The following CTBP2 variants were observed in gnomAD, a reference collection of about 807,000 sequenced individuals.
CTBP2 encodes C-terminal binding protein 2.
CTBP2 carries 30 observed loss-of-function variants against 80.3 expected under a neutral mutation model. The observed-to-expected ratio is 0.37, with a 90% confidence interval of 0.28 to 0.51. The LOEUF is 0.51. CTBP2 is among the 20% of genes least tolerant of loss of function. CTBP2 has a pLI of 0.93. For synonymous variants in CTBP2, 594 were observed against 587.4 expected (o/e 1.01, Z -0.16); for missense variants, 1,212 against 1,375.3 (o/e 0.88, Z 1.88).
In CTBP2 at chr10:125,018,162, C is replaced by CT. The variant is rs572570978; in HGVS notation, c.1678+7919dup. ...GACTCAGGGTAGGGGGTGAACCTCTCTGAGTCTGTCAGAGGAAAAATGTCC... is the reference window on the plus strand; with the variant it reads ...GACTCAGGGTAGGGGGTGAACCTCTCTTGAGTCTGTCAGAGGAAAAATGTCC... On this transcript the variant is annotated intron_variant, in intron 1 of 8. Coordinates refer to ENST00000309035, the MANE Select transcript of CTBP2 (RefSeq NM_022802.3). 4.1e-3 allele frequency among the ~76,000 whole-genome samples: 621 copies of CT among 152,340 alleles called. 10 individuals are homozygous for CT. Among genetic ancestry groups the CT allele is most frequent in the African/African-American group, 0.015 (605 of 41,576 alleles).
chr10:125,117,958 A>G (rs991878497), intron 1 of CTBP2, among the ~76,000 whole-genome samples: 3 of 152,202 alleles, frequency 2.0e-5, no homozygotes, highest in Non-Finnish European at 4.4e-5. Context: ...CTTTACATAC[A>G]CAGTCTTTGT....
chr10:125,083,844 G>C (rs559633786), intron 2 of CTBP2, among the ~76,000 whole-genome samples: 1 of 152,222 alleles, frequency 6.6e-6, no homozygotes, highest in East Asian at 1.9e-4. Flanking sequence ...GCAGTGGTGC[G>C]ATCTGGGCTC....
At chr10:125,101,730 G>A (rs528519223) in intron 2 of CTBP2, among the ~76,000 whole-genome samples, 1 of 152,314 alleles carries the variant, frequency 6.6e-6, no homozygotes, top group Admixed American at 6.5e-5. Flanking sequence ...ACAGGTACCG[G>A]CTTGGAGAGA....
chr10:125,040,095 TCC>T (rs1440165800), intron 2 of CTBP2, among the ~76,000 whole-genome samples: 10 of 152,160 alleles, frequency 6.6e-5, no homozygotes, highest in African/African-American at 2.4e-4. Context: ...TTAACAGCTG[TCC>T]CCAATATCCC....
At chr10:125,043,387 A>G (rs1960388555) in intron 2 of CTBP2, among the ~76,000 whole-genome samples, 1 of 152,010 alleles carries the variant, frequency 6.6e-6, no homozygotes, top group Non-Finnish European at 1.5e-5. Flanking sequence ...CAGCACAAAA[A>G]CCTGGGATCA....
rs76804352 is a variant in CTBP2, at chr10:124,993,314, C to T, written c.2547G>A (p.Pro849=). 5,247 of 1,608,626 alleles carry T rather than the reference C, an allele frequency of 3.3e-3. 122 individuals carry two copies. In the African/African-American group the frequency reaches 0.058, roughly 18 times the overall value. ...AGATGAGATTCGGGGCATCTTTCAA[C>T]GGACCCTGAGCAAAGCTAGAAAAAT... The change falls in exon 7 of 9, where the codon CCG becomes CCA. Residue 849 remains proline (P), a synonymous_variant. Coordinates refer to ENST00000309035, the MANE Select transcript of CTBP2 (RefSeq NM_022802.3).
chr10:125,003,549 TG>T, intron 1 of CTBP2, 57 bp from the exon 4 acceptor site: 1 of 1,384,892 alleles, frequency 7.2e-7, no homozygotes. Flanking sequence ...ACAGGGTGCG[TG>T]GAGGGGCAGC....
chr10:125,118,935 A>G (rs1226856950), intron 1 of CTBP2, among the ~76,000 whole-genome samples: 1 of 152,170 alleles, frequency 6.6e-6, no homozygotes, highest in Non-Finnish European at 1.5e-5. Context: ...CCCCTGTGAG[A>G]TGGTCAGGAA....
At chr10:124,993,385 C>A in intron 6 of CTBP2, 56 bp from the exon 9 acceptor site, 3 of 1,568,482 alleles carry the variant, frequency 1.9e-6, no homozygotes, top group Non-Finnish European at 1.7e-6. Flanking sequence ...CGCTCCCTGC[C>A]CTCCTCAGCA....
At chr10:125,132,749 CA>C (rs765290166) in intron 1 of CTBP2, among the ~76,000 whole-genome samples, 10 of 152,196 alleles carry the variant, frequency 6.6e-5, no homozygotes, top group Non-Finnish European at 1.3e-4. Context: ...ATCTGCACAG[CA>C]CTTTACCAAC....
upstream of CTBP2, among the ~76,000 whole-genome samples, chr10:125,029,303 G>A (rs982992493): frequency 7.4e-5 from 11 of 149,388 alleles, no homozygotes; most frequent in African/African-American, 1.5e-4. Context: ...GTGCAATGGC[G>A]CGATCTCGGC....
intron 4 of CTBP2, 88 bp from the exon 7 acceptor site, chr10:124,994,771 C>T (rs1196341523): frequency 7.6e-7 from 1 of 1,315,538 alleles, no homozygotes; most frequent in Admixed American, 1.9e-5. Flanking sequence ...TGAGTCCGGG[C>T]TTGGCATCCC....
chr10:125,011,289 A>G (rs900790971), intron 1 of CTBP2, among the ~76,000 whole-genome samples: 1 of 152,248 alleles, frequency 6.6e-6, no homozygotes, highest in African/African-American at 2.4e-5. Context: ...CCTGATAAAT[A>G]GATTTGCTTC....
chr10:124,997,812 C>G, intron 4 of CTBP2, 152 bp downstream of exon 6: 1 of 756,118 alleles, frequency 1.3e-6, no homozygotes, highest in African/African-American at 1.8e-5. Flanking sequence ...GTCTTGACTC[C>G]GATCTCCTAC....
intron 2 of CTBP2, among the ~76,000 whole-genome samples, chr10:125,053,640 C>T (rs915862978): frequency 6.6e-6 from 1 of 152,104 alleles, no homozygotes; most frequent in South Asian, 2.1e-4. Flanking sequence ...GAGGTTAGAC[C>T]CTCTGGGCTT....
chr10:125,101,641 G>T (rs1388547030), intron 2 of CTBP2, among the ~76,000 whole-genome samples: 1 of 152,170 alleles, frequency 6.6e-6, no homozygotes, highest in Non-Finnish European at 1.5e-5. Context: ...GAACCTTCAG[G>T]AACACAGCAG....
intron 2 of CTBP2, among the ~76,000 whole-genome samples, chr10:125,089,952 C>T (rs188500602): frequency 6.6e-6 from 1 of 152,172 alleles, no homozygotes; most frequent in East Asian, 1.9e-4. Context: ...GACTAGGCTG[C>T]ACCCTTCGTG....
chr10:125,032,541 G>C (rs1958358427), upstream of CTBP2, among the ~76,000 whole-genome samples: 1 of 152,180 alleles, frequency 6.6e-6, no homozygotes, highest in Non-Finnish European at 1.5e-5. Flanking sequence ...CACTCCTCAA[G>C]ATGAGAAAGG....
At chr10:125,041,413 A>G (rs1959703593) in intron 2 of CTBP2, among the ~76,000 whole-genome samples, 1 of 151,908 alleles carries the variant, frequency 6.6e-6, no homozygotes, top group Non-Finnish European at 1.5e-5. Flanking sequence ...GTAACCACAC[A>G]AAAAAAGAGT....
Sources: gnomAD v4.1 joint callset for allele counts (sites outside exome capture counted in the v4.1 genomes callset) on GRCh38, gnomAD v4.1.1 for gene constraint, MANE v1.5 for transcripts, NCBI Gene and HGNC (gene_info 2026-07-23, HGNC 2026-07-21) for gene names.